The following UACA variants were observed in gnomAD, a reference collection of about 807,000 sequenced individuals.
UACA encodes the protein uveal autoantigen with coiled-coil domains and ankyrin repeats.
UACA carries 112 observed loss-of-function variants against 160.5 expected under a neutral mutation model. The ratio of observed to expected loss-of-function variants is 0.70; its 90% CI spans 0.60 to 0.82. The LOEUF (loss-of-function observed/expected upper bound fraction) is 0.82. Among genes scored for constraint, UACA ranks in the 40% least tolerant of loss-of-function variants. The probability of loss-of-function intolerance (pLI) is 0.00; values close to 1 mark genes in which losing one functional copy is unlikely to be tolerated. For missense variants in UACA, 1,574 were observed against 1,614.6 expected (o/e 0.97, Z 0.43); for synonymous variants, 557 against 568.4 (o/e 0.98, Z 0.29).
rs773950893 is a variant in UACA, at chr15:70,684,459, A to C, written c.603-13T>G. On this transcript the variant is annotated splice_polypyrimidine_tract_variant and intron_variant, in intron 7 of 18. Transcript: ENST00000322954. ...CATGAGGGCAGTTCTAAATGGAAAA[A>C]TGGAAGAGCAAAAGACTGAGAAAAC... The C allele has an allele frequency of 8.2e-6, 13 of 1,591,018 alleles. No homozygotes were observed. The highest frequency in any genetic ancestry group is 1.4e-5 in the African/African-American group (1 of 73,478).
chr15:70,763,403 T>C lies in UACA; in HGVS notation c.5A>G (p.Lys2Arg). The C allele has an allele frequency of 7.6e-7, 1 of 1,320,632 alleles. No homozygotes were observed. The highest frequency in any genetic ancestry group is 9.7e-7 in the Non-Finnish European group (1 of 1,027,258). 81.8% of individuals were successfully genotyped at this position (1,320,632 alleles called of 1,614,324 possible). The change falls in exon 1 of 19, where the codon AAG (lysine) becomes AGG (arginine). Residue 2 changes from lysine to arginine, a missense_variant. By Grantham distance (26) the Lys-to-Arg change is conservative. Transcript: ENST00000322954. Reference sequence around the variant, plus strand: ...CCTCCTCAGGCGGGACTTGAGGCTCTTCATGGCTAACTCTTGCCTGGCCCC... The same window carrying C: ...CCTCCTCAGGCGGGACTTGAGGCTCCTCATGGCTAACTCTTGCCTGGCCCC... M[K>R]SLKSRLRRQD...
intron 1 of UACA, among the ~76,000 whole-genome samples, chr15:70,738,274 C>T (rs540441280): frequency 4.6e-5 from 7 of 151,778 alleles, no homozygotes; most frequent in African/African-American, 1.7e-4. Context: ...CCTGCTTCTG[C>T]TTGTACCCTT....
chr15:70,684,265 C>T lies in UACA; in HGVS notation c.784G>A (p.Gly262Arg). 1 of 1,599,092 alleles carries T rather than the reference C, an allele frequency of 6.3e-7. No homozygotes were observed. The highest frequency in any genetic ancestry group is 8.5e-7 in the Non-Finnish European group (1 of 1,174,610). The change falls in exon 8 of 19, where the codon GGG (glycine) becomes AGG (arginine). Residue 262 changes from glycine to arginine, a missense_variant and splice_region_variant. Physicochemically the swap from Gly to Arg is moderately radical, Grantham distance 125. Coordinates refer to ENST00000322954, the MANE Select transcript of UACA (RefSeq NM_018003.4). The part of the protein sequence containing the change: ...LKTASENTNK[G>R]RELWKKGPSL... ...TCTAGTTACAGAAAACTGCTGATACCTTTGTTGGTATTTTCCGATGCAGTC... is the reference window on the plus strand; with the variant it reads ...TCTAGTTACAGAAAACTGCTGATACTTTTGTTGGTATTTTCCGATGCAGTC...
At chr15:70,737,320 CTG>C (rs761621460) in intron 1 of UACA, among the ~76,000 whole-genome samples, 28 of 152,312 alleles carry the variant, frequency 1.8e-4, no homozygotes, top group Non-Finnish European at 3.2e-4. Context: ...GAATAAGAGA[CTG>C]TGTTGTTTTT....
intron 1 of UACA, among the ~76,000 whole-genome samples, chr15:70,748,292 A>G (rs1899772810): frequency 1.3e-5 from 2 of 152,210 alleles, no homozygotes; most frequent in Non-Finnish European, 1.5e-5. Flanking sequence ...AGAATACAGA[A>G]ATTGAGCATC....
At chr15:70,773,996 G>A in the UACA span, among the ~76,000 whole-genome samples, 2 of 152,222 alleles carry the variant, frequency 1.3e-5, no homozygotes, top group East Asian at 1.9e-4. Context: ...TAGAAGGATT[G>A]GCCAAAGCAT....
At chr15:70,742,039 T>A (rs1410148891) in intron 1 of UACA, among the ~76,000 whole-genome samples, 3 of 152,186 alleles carry the variant, frequency 2.0e-5, no homozygotes, top group Non-Finnish European at 4.4e-5. Flanking sequence ...TCAAAACAGT[T>A]CAACAGCAGG....
chr15:70,740,360 T>C (rs1362333967), intron 1 of UACA, among the ~76,000 whole-genome samples: 9 of 151,720 alleles, frequency 5.9e-5, no homozygotes, highest in Non-Finnish European at 1.5e-5. Context: ...ACACCTGTAA[T>C]CCCAGAACTT....
intron 1 of UACA, among the ~76,000 whole-genome samples, chr15:70,723,963 C>A (rs2140990330): frequency 6.6e-6 from 1 of 152,268 alleles, no homozygotes; most frequent in South Asian, 2.1e-4. Context: ...TCCTCTGACT[C>A]CCCAGATTTT....
chr15:70,736,623 T>C (rs1899376406), intron 1 of UACA, among the ~76,000 whole-genome samples: 2 of 152,094 alleles, frequency 1.3e-5, no homozygotes, highest in Non-Finnish European at 2.9e-5. Flanking sequence ...ATATTTTTAG[T>C]AGAGAGGGGC....
chr15:70,703,525 A>G (rs904222093), intron 1 of UACA, among the ~76,000 whole-genome samples: 2 of 152,166 alleles, frequency 1.3e-5, no homozygotes, highest in African/African-American at 4.8e-5. Flanking sequence ...ATTTGGCTAA[A>G]CCCAGAGACT....
rs923326489 is a variant in UACA at position 70,667,559 on chromosome 15, T to A, written c.3125A>T (p.Lys1042Ile). ...GAGAACTGTCTTATCTCTCAAATCT[T>A]TCTGAAGGGTAAAAATCTCCTTCTT... ...KLKKEIFTLQ[K>I]DLRDKTVLIE... Residue 1042 changes from lysine to isoleucine, a missense_variant, in exon 16 of 19, where the codon AAA becomes ATA. Transcript: ENST00000322954. 1.9e-6 allele frequency: 3 copies of A among 1,613,152 alleles called. No individual in the cohort carries two copies. The African/African-American group carries it at 4.0e-5, about 21-fold the overall frequency.
intron 1 of UACA, among the ~76,000 whole-genome samples, chr15:70,753,040 T>C (rs2030185747): frequency 6.6e-6 from 1 of 152,142 alleles, no homozygotes; most frequent in Admixed American, 6.5e-5. Context: ...AAAAACTGTT[T>C]TAAATATCAG....
chr15:70,752,562 A>G (rs2030152376), intron 1 of UACA, among the ~76,000 whole-genome samples: 2 of 148,294 alleles, frequency 1.3e-5, no homozygotes, highest in Admixed American at 6.7e-5. Flanking sequence ...CTCTCTCTAG[A>G]GCTCTCTTGG....
intron 1 of UACA, among the ~76,000 whole-genome samples, chr15:70,736,701 A>G (rs1899378805): frequency 6.6e-6 from 1 of 152,170 alleles, no homozygotes; most frequent in Non-Finnish European, 1.5e-5. Context: ...TCAGCCTCCC[A>G]AAGTGCTGGG....
rs182388411 is a variant in UACA at position 70,704,607 on chromosome 15, C to A, written c.79-4947G>T. ...TATTTATACTTTCTAGGCACCAGTG[C>A]TCTCAACTACAAAGCAAGGATAACA... On this transcript the variant is annotated intron_variant, in intron 1 of 18. Transcript: ENST00000322954. Among the ~76,000 whole-genome samples, 13 of 152,258 alleles carry A rather than the reference C, an allele frequency of 8.5e-5. No homozygotes were observed. In the East Asian group the frequency reaches 2.5e-3, roughly 29 times the overall value.
chr15:70,703,216 A>G, intron 1 of UACA: 1 of 1,288,884 alleles, frequency 7.8e-7, no homozygotes, highest in Non-Finnish European at 1.0e-6. Flanking sequence ...TCTCATTACC[A>G]CAATAGCATG....
At chr15:70,766,441 A>T, upstream of UACA, among the ~76,000 whole-genome samples, 1 of 142,584 alleles carries the variant, frequency 7.0e-6, no homozygotes. Context: ...TTTTTGTTTT[A>T]CTTCTTTTTT....
At position 70,668,601 on chromosome 15, in the gene UACA, C is replaced by G; in HGVS notation, c.2083G>C (p.Glu695Gln). 6.2e-7 allele frequency: 1 copy of G among 1,613,712 alleles called. No homozygotes were observed. The highest frequency in any genetic ancestry group is 8.5e-7 in the Non-Finnish European group (1 of 1,179,986). ...EEHEQVKSRL[E>Q]QKSGELGKKI... ...TTCCCAAGTTCTCCTGATTTCTGTTCTAATCTGCTCTTAACCTGTTCATGT... is the reference window on the plus strand; with the variant it reads ...TTCCCAAGTTCTCCTGATTTCTGTTGTAATCTGCTCTTAACCTGTTCATGT... Residue 695 changes from glutamate to glutamine, a missense_variant, in exon 16 of 19, where the codon GAA (glutamate) becomes CAA (glutamine). Coordinates refer to ENST00000322954, the MANE Select transcript of UACA (RefSeq NM_018003.4).
Sources: allele counts gnomAD v4.1 joint callset (sites outside exome capture counted in the v4.1 genomes callset), GRCh38; gene constraint gnomAD v4.1.1; transcripts MANE v1.5; gene names NCBI Gene and HGNC (gene_info 2026-07-23, HGNC 2026-07-21).